POU6F2: variants seen among roughly 807,000 people sequenced by gnomAD.
POU6F2 encodes the protein POU domain, class 6, transcription factor 2.
A neutral mutation model predicts 71.3 loss-of-function variants in POU6F2; 31 were observed. That is an observed-to-expected ratio of 0.43 (90% CI 0.33 to 0.59). The LOEUF (loss-of-function observed/expected upper bound fraction) is 0.59. Among genes scored for constraint, POU6F2 ranks in the 20% least tolerant of loss-of-function variants. The pLI is 0.04. For synonymous variants in POU6F2, 347 were observed against 355.7 expected (o/e 0.98, Z 0.27); for missense variants, 783 against 856.8 (o/e 0.91, Z 1.07).
intron 1 of POU6F2, among the ~76,000 whole-genome samples, chr7:39,010,335 TG>T (rs1789234010): frequency 2.0e-5 from 3 of 148,266 alleles, no homozygotes; most frequent in Non-Finnish European, 4.5e-5. Flanking sequence ...TATTCTCTGA[TG>T]GTAGTTTGTA....
rs116914877 is a variant in POU6F2 at position 39,209,871 on chromosome 7, A to T, written c.598+2251A>T. On this transcript the variant is annotated intron_variant, in intron 4 of 9. Transcript: ENST00000518318. The stretch of plus-strand genomic sequence containing the variant: ...TGAATGTCTGACAGGCTGAAAGGTC[A>T]TCTGCAGGGGTTCTGAGACTGAGCT... Among the ~76,000 whole-genome samples the T allele has an allele frequency of 3.1e-3, 476 of 152,280 alleles. 3 individuals carry two copies. The highest frequency in any genetic ancestry group is 4.7e-3 in the Non-Finnish European group (319 of 68,032).
At chr7:39,384,425 T>C (rs1421539937) in intron 5 of POU6F2, among the ~76,000 whole-genome samples, 1 of 152,186 alleles carries the variant, frequency 6.6e-6, no homozygotes, top group Non-Finnish European at 1.5e-5. Context: ...CTGAAGACTA[T>C]AGAAATGTAG....
intron 2 of POU6F2, among the ~76,000 whole-genome samples, chr7:39,153,242 C>A (rs1399851417): frequency 1.3e-5 from 2 of 151,996 alleles, no homozygotes. Flanking sequence ...CAATACTGAG[C>A]ATTCAACACC....
intron 4 of POU6F2, among the ~76,000 whole-genome samples, chr7:39,331,159 T>G (rs1168881002): frequency 6.6e-6 from 1 of 152,246 alleles, no homozygotes; most frequent in Non-Finnish European, 1.5e-5. Context: ...TGTACCACAT[T>G]TTCTTTATCC....
chr7:39,207,684 G>GA, intron 4 of POU6F2, 64 bp downstream of exon 4: 1 of 1,438,362 alleles, frequency 7.0e-7, no homozygotes, highest in Non-Finnish European at 9.4e-7. Context: ...TCTGAAGTGG[G>GA]CAAAAAAAAA....
chr7:39,166,356 A>T (rs1426265445), intron 2 of POU6F2, among the ~76,000 whole-genome samples: 2 of 152,174 alleles, frequency 1.3e-5, no homozygotes, highest in Non-Finnish European at 2.9e-5. Flanking sequence ...TATTAACGGG[A>T]GTTAGACTTT....
At chr7:39,093,847 G>A (rs1324468522) in intron 2 of POU6F2, among the ~76,000 whole-genome samples, 1 of 152,002 alleles carries the variant, frequency 6.6e-6, no homozygotes, top group Non-Finnish European at 1.5e-5. Context: ...AAAGTGTAAT[G>A]CTATCTGTAT....
intron 4 of POU6F2, among the ~76,000 whole-genome samples, chr7:39,245,351 A>G (rs915350792): frequency 6.6e-6 from 1 of 152,194 alleles, no homozygotes; most frequent in Non-Finnish European, 1.5e-5. Context: ...AGTGAAAATG[A>G]CATATGATTA....
chr7:39,406,376 C>A, intron 5 of POU6F2: 1 of 555,700 alleles, frequency 1.8e-6, no homozygotes, highest in Non-Finnish European at 3.2e-6. Flanking sequence ...AGCCCTAAAC[C>A]CAGACTCCAC....
intron 5 of POU6F2, among the ~76,000 whole-genome samples, chr7:39,354,573 A>T (rs1434856275): frequency 2.0e-5 from 3 of 152,178 alleles, no homozygotes; most frequent in Non-Finnish European, 4.4e-5. Context: ...TTCAGGGTTG[A>T]TGTGGACGGC....
intron 2 of POU6F2, among the ~76,000 whole-genome samples, chr7:39,151,323 C>T (rs1792754417): frequency 1.3e-5 from 2 of 152,184 alleles, no homozygotes. Flanking sequence ...ATTTCCAATG[C>T]CTGTCCTAAA....
intron 5 of POU6F2, among the ~76,000 whole-genome samples, chr7:39,348,574 A>T (rs1467790716): frequency 6.6e-6 from 1 of 152,222 alleles, no homozygotes; most frequent in African/African-American, 2.4e-5. Flanking sequence ...CAACGGCTGA[A>T]TTGGGATTCC....
intron 6 of POU6F2, among the ~76,000 whole-genome samples, chr7:39,428,663 G>C (rs1583595437): frequency 6.6e-6 from 1 of 152,238 alleles, no homozygotes; most frequent in South Asian, 2.1e-4. Flanking sequence ...ACACTAAGCA[G>C]CATCCTAGGT....
chr7:39,208,417 C>CAT (rs1039737783), intron 4 of POU6F2, among the ~76,000 whole-genome samples: 71 of 151,994 alleles, frequency 4.7e-4, no homozygotes, highest in Non-Finnish European at 8.4e-4. Context: ...TTGTTTTCTT[C>CAT]ATATATATAT....
intron 4 of POU6F2, among the ~76,000 whole-genome samples, chr7:39,312,174 A>G (rs1367307907): frequency 8.8e-6 from 1 of 113,976 alleles, no homozygotes. Flanking sequence ...AGAATGGACG[A>G]TGTAGTAGAA....
intron 2 of POU6F2, among the ~76,000 whole-genome samples, chr7:39,168,587 T>C (rs1419471675): frequency 6.6e-6 from 1 of 152,196 alleles, no homozygotes; most frequent in Non-Finnish European, 1.5e-5. Context: ...ACCTCTGGCC[T>C]GACGTAATGG....
At chr7:39,408,060 CA>C (rs1787478037) in intron 6 of POU6F2, among the ~76,000 whole-genome samples, 1 of 152,182 alleles carries the variant, frequency 6.6e-6, no homozygotes. Flanking sequence ...TGGAGGCTCT[CA>C]AAAGCCTATT....
At chr7:39,378,381 T>C (rs1786752538) in intron 5 of POU6F2, among the ~76,000 whole-genome samples, 1 of 152,062 alleles carries the variant, frequency 6.6e-6, no homozygotes, top group Admixed American at 6.6e-5. Context: ...CTGAATCCCC[T>C]CCAATCCCGT....
At chr7:39,123,790 A>G (rs1469192818) in intron 2 of POU6F2, among the ~76,000 whole-genome samples, 1 of 145,926 alleles carries the variant, frequency 6.9e-6, no homozygotes, top group East Asian at 2.0e-4. Context: ...TTTTTTTTTT[A>G]TTCTTTATTT....
Sources: allele counts gnomAD v4.1 joint callset (sites outside exome capture counted in the v4.1 genomes callset), GRCh38; gene constraint gnomAD v4.1.1; transcripts MANE v1.5; gene names NCBI Gene and HGNC (gene_info 2026-07-23, HGNC 2026-07-21).